The following FBXW7 variants were observed in gnomAD, a reference collection of about 807,000 sequenced individuals.
FBXW7 encodes F-box/WD repeat-containing protein 7.
Under a neutral mutation model 86.3 loss-of-function variants are expected in FBXW7, and 11 were observed. That is an observed-to-expected ratio of 0.13 (90% CI 0.08 to 0.21). The LOEUF (loss-of-function observed/expected upper bound fraction) is 0.21, where lower values mean the gene tolerates loss of function less well. FBXW7 is among the 10% of genes least tolerant of loss of function. The probability of loss-of-function intolerance (pLI) is 1.00; values close to 1 mark genes in which losing one functional copy is unlikely to be tolerated. For synonymous variants in FBXW7, 313 were observed against 297.9 expected (o/e 1.05, Z -0.52); for missense variants, 488 against 847.4 (o/e 0.58, Z 5.27).
At chr4:152,394,948 TTATAGC>T (rs1256682375) in intron 4 of FBXW7, among the ~76,000 whole-genome samples, 1 of 152,108 alleles carries the variant, frequency 6.6e-6, no homozygotes, top group Non-Finnish European at 1.5e-5. Flanking sequence ...AATGCATTTG[TTATAGC>T]TATACTGTTG....
chr4:152,342,991 AG>A (rs1730892442), intron 6 of FBXW7, among the ~76,000 whole-genome samples: 1 of 152,216 alleles, frequency 6.6e-6, no homozygotes, highest in African/African-American at 2.4e-5. Context: ...ACTATCCTGT[AG>A]GTTTTAATCT....
intron 7 of FBXW7, among the ~76,000 whole-genome samples, chr4:152,333,852 G>A (rs1412540235): frequency 1.3e-5 from 2 of 151,972 alleles, no homozygotes; most frequent in Non-Finnish European, 2.9e-5. Flanking sequence ...CCAGGAGTTC[G>A]ACATCAGCTT....
chr4:152,389,133 A>C (rs1380292490), intron 4 of FBXW7, among the ~76,000 whole-genome samples: 1 of 152,112 alleles, frequency 6.6e-6, no homozygotes, highest in Non-Finnish European at 1.5e-5. Context: ...ACAAAAAATA[A>C]TAGATGTTGG....
At chr4:152,412,343 G>C (rs1738038205) in intron 3 of FBXW7, 137 bp downstream of exon 3, 1 of 152,006 alleles carries the variant, frequency 6.6e-6, no homozygotes, top group Non-Finnish European at 1.5e-5. Flanking sequence ...AAACTTTTCT[G>C]ATCACAGAAT....
At chr4:152,373,509 T>G (rs560140628) in intron 4 of FBXW7, among the ~76,000 whole-genome samples, 1 of 152,152 alleles carries the variant, frequency 6.6e-6, no homozygotes, top group African/African-American at 2.4e-5. Flanking sequence ...ACGTATTTTT[T>G]CAACATTAAT....
At chr4:152,454,085 T>C (rs1271145607) in intron 2 of FBXW7, among the ~76,000 whole-genome samples, 2 of 152,172 alleles carry the variant, frequency 1.3e-5, no homozygotes, top group African/African-American at 2.4e-5. Flanking sequence ...AAAATAAGTA[T>C]ATTTCCACGA....
chr4:152,363,011 A>G (rs1164336095), intron 4 of FBXW7, among the ~76,000 whole-genome samples: 1 of 152,156 alleles, frequency 6.6e-6, no homozygotes, highest in Non-Finnish European at 1.5e-5. Flanking sequence ...ATTTTGTTAG[A>G]CTAAGATGTA....
intron 2 of FBXW7, among the ~76,000 whole-genome samples, chr4:152,447,206 C>T (rs1579225429): frequency 6.6e-6 from 1 of 152,058 alleles, no homozygotes; most frequent in Admixed American, 6.5e-5. Flanking sequence ...TTTTATGCCC[C>T]GTTTCTACTA....
intron 2 of FBXW7, among the ~76,000 whole-genome samples, chr4:152,449,772 A>G (rs1186852675): frequency 2.0e-5 from 3 of 152,238 alleles, no homozygotes; most frequent in Admixed American, 1.3e-4. Context: ...ACCTTTGCCA[A>G]TAATGCACAA....
chr4:152,482,561 T>C (rs1024896131), intron 2 of FBXW7, among the ~76,000 whole-genome samples: 16 of 152,134 alleles, frequency 1.1e-4, no homozygotes, highest in African/African-American at 3.6e-4. Context: ...TCCTAAGAAC[T>C]GGGATCATCT....
intron 4 of FBXW7, among the ~76,000 whole-genome samples, chr4:152,363,836 G>A (rs767364901): frequency 2.0e-5 from 3 of 152,042 alleles, no homozygotes; most frequent in Non-Finnish European, 2.9e-5. Flanking sequence ...AGTTTTAAGC[G>A]ACCCCAAGGT....
chr4:152,533,389 T>C (rs1288321922), intron 2 of FBXW7, among the ~76,000 whole-genome samples: 3 of 152,162 alleles, frequency 2.0e-5, no homozygotes, highest in Non-Finnish European at 2.9e-5. Context: ...CATTTCTCTT[T>C]GCAATATCTT....
chr4:152,338,945 G>A (rs1730437278), intron 6 of FBXW7, among the ~76,000 whole-genome samples: 1 of 152,012 alleles, frequency 6.6e-6, no homozygotes. Context: ...TCCATTTCTT[G>A]TCCAAACAAG....
rs1459045148 is a variant in FBXW7 at position 152,346,994 on chromosome 4, T to C, written c.662A>G (p.Gln221Arg). 1.2e-6 allele frequency: 2 copies of C among 1,613,620 alleles called. No individual in the cohort carries two copies. Among genetic ancestry groups the C allele is most frequent in the Non-Finnish European group, 1.7e-6 (2 of 1,179,796 alleles). ...CTGGACAGATGTAATTCGGCGTCGT[T>C]GTTGCCCTTGGCCATTGGCTGCTCT... ...DLRAANGQGQ[Q>R]RRRITSVQPP... The change falls in exon 6 of 14, where the codon CAA (glutamine) becomes CGA (arginine). Residue 221 changes from glutamine (Q) to arginine (R), a missense_variant. Physicochemically the swap from Gln to Arg is conservative, Grantham distance 43. Coordinates refer to ENST00000281708, the MANE Select transcript of FBXW7 (RefSeq NM_001349798.2).
At chr4:152,511,064 CAG>C (rs1330652489) in intron 2 of FBXW7, among the ~76,000 whole-genome samples, 3 of 142,416 alleles carry the variant, frequency 2.1e-5, no homozygotes, top group Admixed American at 7.2e-5. Context: ...TTTGTAGAGA[CAG>C]GGGGTCTCTT....
intron 2 of FBXW7, among the ~76,000 whole-genome samples, chr4:152,479,229 A>C (rs1579310912): frequency 1.3e-5 from 2 of 152,142 alleles, no homozygotes; most frequent in East Asian, 3.8e-4. Context: ...TTTATCATAG[A>C]CTATACTGAG....
chr4:152,328,724 A>G (rs181424989), intron 10 of FBXW7: 1 of 166,360 alleles, frequency 6.0e-6, no homozygotes, highest in African/African-American at 2.4e-5. Context: ...TGAAATTGCA[A>G]CTGGGTTTCT....
At chr4:152,410,917 C>T (rs565761195) in intron 4 of FBXW7, among the ~76,000 whole-genome samples, 106 of 152,212 alleles carry the variant, frequency 7.0e-4, no homozygotes, top group Non-Finnish European at 9.3e-4. Context: ...TGTGAATAGC[C>T]CACTCTAGCA....
chr4:152,375,342 A>G (rs531259984), intron 4 of FBXW7, among the ~76,000 whole-genome samples: 20 of 152,272 alleles, frequency 1.3e-4, no homozygotes, highest in South Asian at 2.1e-4. Flanking sequence ...TGAGACAACC[A>G]TAAGACTCTC....
Sources: gnomAD v4.1 joint callset for allele counts (sites outside exome capture counted in the v4.1 genomes callset) on GRCh38, gnomAD v4.1.1 for gene constraint, MANE v1.5 for transcripts, NCBI Gene and HGNC (gene_info 2026-07-23, HGNC 2026-07-21) for gene names.